LEKR1: variants seen among roughly 807,000 people sequenced by gnomAD.
The protein encoded by LEKR1 is leucine, glutamate and lysine rich 1, also known as protein LEKR1.
A neutral mutation model predicts 72.4 loss-of-function variants in LEKR1; 59 were observed. That is an observed-to-expected ratio of 0.82 (90% CI 0.66 to 1.01). The LOEUF (loss-of-function observed/expected upper bound fraction) is 1.01, where lower values mean the gene tolerates loss of function less well. Ranked by LOEUF, LEKR1 falls within the 50% of genes least tolerant of loss-of-function variation. LEKR1 has a pLI of 0.00. For missense variants in LEKR1, 728 were observed against 759.2 expected, an observed-to-expected ratio of 0.96 and a Z score of 0.48; for synonymous variants, 257 against 263.2, an observed-to-expected ratio of 0.98 and a Z score of 0.23.
intron 2 of LEKR1, among the ~76,000 whole-genome samples, chr3:156,845,193 C>CT (rs918923829): frequency 7.3e-5 from 11 of 150,984 alleles, no homozygotes; most frequent in South Asian, 2.1e-4. Context: ...TCTAATTAGA[C>CT]TTTTTTTTTC....
intron 3 of LEKR1, among the ~76,000 whole-genome samples, chr3:156,856,117 T>A (rs1716027903): frequency 6.6e-6 from 1 of 152,230 alleles, no homozygotes; most frequent in African/African-American, 2.4e-5. Context: ...ATTAGCTTTT[T>A]AATCTATTTA....
intron 4 of LEKR1, among the ~76,000 whole-genome samples, chr3:156,922,984 C>T (rs1724352971): frequency 1.3e-5 from 2 of 152,122 alleles, no homozygotes; most frequent in Admixed American, 1.3e-4. Flanking sequence ...TTTTCAATGT[C>T]AACTCCAAAA....
intron 3 of LEKR1, among the ~76,000 whole-genome samples, chr3:156,878,717 G>T (rs1033806508): frequency 3.3e-5 from 5 of 151,922 alleles, no homozygotes; most frequent in Non-Finnish European, 5.9e-5. Flanking sequence ...ATATGGTTTG[G>T]CTGTGTCCCC....
chr3:157,000,075 G>A (rs2108014752), intron 9 of LEKR1, among the ~76,000 whole-genome samples: 1 of 152,230 alleles, frequency 6.6e-6, no homozygotes, highest in East Asian at 1.9e-4. Flanking sequence ...GAGACTCACA[G>A]CCCTGCAGAA....
chr3:156,834,569 T>C (rs565244257), intron 2 of LEKR1, among the ~76,000 whole-genome samples: 1 of 152,314 alleles, frequency 6.6e-6, no homozygotes, highest in Admixed American at 6.5e-5. Context: ...CTTTTATTTC[T>C]GGTTAGGAAC....
intron 9 of LEKR1, among the ~76,000 whole-genome samples, chr3:157,008,524 T>G (rs146132164): frequency 6.6e-6 from 1 of 152,340 alleles, no homozygotes; most frequent in African/African-American, 2.4e-5. Context: ...CCATTATCTT[T>G]GAAGTTTTCT....
At chr3:156,842,487 G>T (rs1040568072) in intron 2 of LEKR1, among the ~76,000 whole-genome samples, 4 of 151,988 alleles carry the variant, frequency 2.6e-5, no homozygotes, top group African/African-American at 9.7e-5. Context: ...GGGAAGAGAA[G>T]GTGAGAGCCT....
chr3:156,883,012 GGA>G (rs796599279), intron 3 of LEKR1, among the ~76,000 whole-genome samples: 24 of 150,382 alleles, frequency 1.6e-4, no homozygotes, highest in African/African-American at 5.2e-4. Context: ...TGGGTTGGGG[GGA>G]GGGGGGAGAG....
chr3:156,969,000 A>G (rs1456561547), intron 6 of LEKR1, among the ~76,000 whole-genome samples: 1 of 152,250 alleles, frequency 6.6e-6, no homozygotes, highest in East Asian at 1.9e-4. Context: ...CTATATGGAA[A>G]CTGAACAACC....
At chr3:156,855,953 G>T (rs1483972264) in intron 3 of LEKR1, among the ~76,000 whole-genome samples, 1 of 152,042 alleles carries the variant, frequency 6.6e-6, no homozygotes, top group East Asian at 1.9e-4. Flanking sequence ...GCCTGATGAA[G>T]GGGGGAACCT....
chr3:156,846,917 A>G (rs1457371926), intron 2 of LEKR1, among the ~76,000 whole-genome samples: 1 of 151,228 alleles, frequency 6.6e-6, no homozygotes, highest in East Asian at 1.9e-4. Context: ...GGCTCAAGCA[A>G]CCCTCCCACC....
At chr3:156,831,347 C>T (rs1712375499) in intron 2 of LEKR1, among the ~76,000 whole-genome samples, 1 of 152,188 alleles carries the variant, frequency 6.6e-6, no homozygotes, top group Admixed American at 6.5e-5. Context: ...TTTACACCTA[C>T]ATATTAGCAG....
At chr3:156,975,696 G>A (rs1379242749) in intron 6 of LEKR1, among the ~76,000 whole-genome samples, 3 of 152,196 alleles carry the variant, frequency 2.0e-5, no homozygotes, top group African/African-American at 7.2e-5. Flanking sequence ...TTCATATGAA[G>A]AGAGGTTAAG....
chr3:156,983,938 C>A (rs910305892), intron 7 of LEKR1, among the ~76,000 whole-genome samples: 2 of 152,002 alleles, frequency 1.3e-5, no homozygotes, highest in South Asian at 4.2e-4. Context: ...CCAAGTCCCC[C>A]CAAAAAGTGG....
chr3:156,950,499 A>G (rs2107975144), intron 6 of LEKR1, among the ~76,000 whole-genome samples: 1 of 151,236 alleles, frequency 6.6e-6, no homozygotes, highest in South Asian at 2.1e-4. Context: ...TCTTTTTGTC[A>G]TCTCTAATTT....
intron 5 of LEKR1, among the ~76,000 whole-genome samples, chr3:156,941,227 T>C (rs753996686): frequency 3.3e-5 from 5 of 152,106 alleles, no homozygotes; most frequent in Non-Finnish European, 5.9e-5. Flanking sequence ...AGGTTTTCCA[T>C]TTTGAGCAGA....
intron 7 of LEKR1, among the ~76,000 whole-genome samples, chr3:156,987,931 T>A (rs1457439085): frequency 6.6e-6 from 1 of 152,204 alleles, no homozygotes; most frequent in East Asian, 1.9e-4. Context: ...ATCTGGGAGA[T>A]CTACTGAGTA....
chr3:156,995,371 T>C (rs900247156), intron 9 of LEKR1, among the ~76,000 whole-genome samples: 3 of 152,228 alleles, frequency 2.0e-5, no homozygotes, highest in African/African-American at 4.8e-5. Context: ...TTTCAGAGAA[T>C]AGTGACATCA....
chr3:156,981,329 T>C (rs1202488121), intron 7 of LEKR1, among the ~76,000 whole-genome samples: 1 of 152,176 alleles, frequency 6.6e-6, no homozygotes, highest in Non-Finnish European at 1.5e-5. Flanking sequence ...TTAACATAAC[T>C]TGTGCTGAGA....
Sources: gnomAD v4.1 joint callset for allele counts (sites outside exome capture counted in the v4.1 genomes callset) on GRCh38, gnomAD v4.1.1 for gene constraint, MANE v1.5 for transcripts, NCBI Gene and HGNC (gene_info 2026-07-23, HGNC 2026-07-21) for gene names.